Variants in AKAP9 observed in about 807,000 individuals in gnomAD.
The protein encoded by AKAP9 is A-kinase anchoring protein 9.
Under a neutral mutation model 488.5 loss-of-function variants are expected in AKAP9, and 311 were observed. The observed-to-expected ratio is 0.64, with a 90% CI of 0.58 to 0.70. The LOEUF is 0.70. Among genes scored for constraint, AKAP9 ranks in the 30% least tolerant of loss-of-function variants. The pLI is 0.00. For synonymous variants in AKAP9, 1,462 were observed against 1,483.5 expected (o/e 0.99, Z 0.33); for missense variants, 4,215 against 4,374.5 (o/e 0.96, Z 1.03).
intron 1 of AKAP9, among the ~76,000 whole-genome samples, chr7:91,944,205 A>G (rs1257095513): frequency 6.6e-6 from 1 of 152,188 alleles, no homozygotes; most frequent in Non-Finnish European, 1.5e-5. Flanking sequence ...TTAAAAAGAA[A>G]AAAGTTACCA....
At chr7:92,038,355 A>T in intron 16 of AKAP9, 64 bp from the exon 17 acceptor site, 1 of 1,336,292 alleles carries the variant, frequency 7.5e-7, no homozygotes, top group Non-Finnish European at 1.1e-6. Context: ...GTACTAATTT[A>T]CTTTTTAAAT....
At chr7:91,996,191 T>C (rs1333719193) in intron 7 of AKAP9, 1 of 236,580 alleles carries the variant, frequency 4.2e-6, no homozygotes, top group Non-Finnish European at 8.1e-6. Flanking sequence ...TTTATTTACA[T>C]AAGTTATGTT....
chr7:92,092,485 A>G (rs1815796054), intron 38 of AKAP9: 1 of 149,930 alleles, frequency 6.7e-6, no homozygotes. Context: ...TTCTGAATGT[A>G]CAAATATGAG....
At chr7:91,965,872 T>A (rs1794381840) in intron 1 of AKAP9, among the ~76,000 whole-genome samples, 1 of 152,206 alleles carries the variant, frequency 6.6e-6, no homozygotes, top group Non-Finnish European at 1.5e-5. Flanking sequence ...CATGTTTTAA[T>A]CAGATTATTT....
chr7:91,967,348 A>G (rs1794542819), intron 1 of AKAP9, among the ~76,000 whole-genome samples: 1 of 152,142 alleles, frequency 6.6e-6, no homozygotes, highest in Non-Finnish European at 1.5e-5. Flanking sequence ...GACTTCCAGT[A>G]TGTTGCATGA....
chr7:91,977,488 G>A (rs1370511182), intron 2 of AKAP9, among the ~76,000 whole-genome samples: 10 of 152,134 alleles, frequency 6.6e-5, no homozygotes, highest in South Asian at 2.1e-4. Flanking sequence ...CCCAGGAGGC[G>A]GAGCTTGCAG....
intron 2 of AKAP9, 42 bp downstream of exon 2, chr7:91,974,010 G>A: frequency 6.2e-7 from 1 of 1,609,352 alleles, no homozygotes; most frequent in South Asian, 1.1e-5. Context: ...GGTTCTCGAT[G>A]GAAAGTAGTC....
chr7:91,999,852 A>G (rs767064827), intron 7 of AKAP9, among the ~76,000 whole-genome samples: 2 of 127,226 alleles, frequency 1.6e-5, no homozygotes, highest in African/African-American at 3.0e-5. Context: ...TTCTTTAGTT[A>G]TGTTCATTCA....
chr7:92,015,156 T>C (rs772732641), intron 10 of AKAP9, among the ~76,000 whole-genome samples: 1 of 152,148 alleles, frequency 6.6e-6, no homozygotes, highest in Non-Finnish European at 1.5e-5. Flanking sequence ...GATTTTTAAG[T>C]CTAGAAGTTG....
chr7:91,988,797 G>A (rs1341497817), intron 3 of AKAP9, among the ~76,000 whole-genome samples: 1 of 151,944 alleles, frequency 6.6e-6, no homozygotes, highest in African/African-American at 2.4e-5. Context: ...AATACAGTTT[G>A]TTTTTTTATT....
intron 48 of AKAP9, 84 bp from the exon 49 acceptor site, chr7:92,108,410 T>G (rs1818875251): frequency 2.8e-6 from 4 of 1,411,186 alleles, no homozygotes; most frequent in African/African-American, 2.8e-5. Flanking sequence ...CCCACCTTTT[T>G]GGGGAAGGGA....
chr7:92,076,810 GT>G, intron 28 of AKAP9, 44 bp from the exon 29 acceptor site: 1 of 1,178,082 alleles, frequency 8.5e-7, no homozygotes. Flanking sequence ...CTTGATAAAC[GT>G]TTGTATAAAC....
intron 22 of AKAP9, among the ~76,000 whole-genome samples, chr7:92,054,596 C>A (rs1808479774): frequency 6.6e-6 from 1 of 152,030 alleles, no homozygotes; most frequent in South Asian, 2.1e-4. Flanking sequence ...TATCAGGGCA[C>A]TGGACAAGTA....
At chr7:91,966,524 A>G (rs1794462046) in intron 1 of AKAP9, among the ~76,000 whole-genome samples, 1 of 152,228 alleles carries the variant, frequency 6.6e-6, no homozygotes, top group South Asian at 2.1e-4. Flanking sequence ...ATTCTTCAGC[A>G]GTTGGATAAA....
chr7:91,978,976 C>T (rs1034776191), intron 2 of AKAP9, among the ~76,000 whole-genome samples: 2 of 141,130 alleles, frequency 1.4e-5, no homozygotes, highest in African/African-American at 5.3e-5. Context: ...CGAGAGTTCA[C>T]CATTTTGGCT....
At chr7:91,998,755 C>T (rs1057202312) in intron 7 of AKAP9, among the ~76,000 whole-genome samples, 1 of 151,938 alleles carries the variant, frequency 6.6e-6, no homozygotes, top group Non-Finnish European at 1.5e-5. Flanking sequence ...TTTACTTTCT[C>T]ATAGATTCCA....
intron 1 of AKAP9, among the ~76,000 whole-genome samples, chr7:91,942,683 A>G (rs1303995177): frequency 6.6e-6 from 1 of 152,224 alleles, no homozygotes; most frequent in Non-Finnish European, 1.5e-5. Flanking sequence ...TACTTTGGAC[A>G]TACACATTTC....
intron 17 of AKAP9, 74 bp from the exon 18 acceptor site, chr7:92,040,600 A>G (rs1805907058): frequency 9.5e-7 from 1 of 1,054,918 alleles, no homozygotes; most frequent in Non-Finnish European, 1.4e-6. Context: ...ATTTGTTTAC[A>G]ATATTAATGC....
chr7:92,099,191 C>T (rs760235741), intron 43 of AKAP9, among the ~76,000 whole-genome samples: 1 of 152,198 alleles, frequency 6.6e-6, no homozygotes, highest in African/African-American at 2.4e-5. Flanking sequence ...ATACCTCTCC[C>T]ACACACCCTT....
Sources: allele counts gnomAD v4.1 joint callset (sites outside exome capture counted in the v4.1 genomes callset), GRCh38; gene constraint gnomAD v4.1.1; transcripts MANE v1.5; gene names NCBI Gene and HGNC (gene_info 2026-07-23, HGNC 2026-07-21).